Variants in RAB27B observed in about 807,000 individuals in gnomAD.
The protein encoded by RAB27B is RAB27B, member RAS oncogene family.
Under a neutral mutation model 24.6 loss-of-function variants are expected in RAB27B, and 15 were observed. The ratio of observed to expected loss-of-function variants is 0.61; its 90% CI spans 0.41 to 0.94. The LOEUF (loss-of-function observed/expected upper bound fraction) is 0.94. Among genes scored for constraint, RAB27B ranks in the 40% least tolerant of loss-of-function variants. The probability of loss-of-function intolerance (pLI) is 0.00; values close to 1 mark genes in which losing one functional copy is unlikely to be tolerated. For missense variants in RAB27B, 261 were observed against 266.8 expected (o/e 0.98, Z 0.15); for synonymous variants, 105 against 92.5 (o/e 1.14, Z -0.78).
intron 2 of RAB27B, among the ~76,000 whole-genome samples, chr18:54,796,430 A>G (rs79085307): frequency 3.1e-4 from 47 of 152,342 alleles, no homozygotes; most frequent in Middle Eastern, 3.4e-3. Context: ...AAATCGGATC[A>G]CATGTGCACT....
At chr18:54,793,937 A>G (rs1484970562) in intron 2 of RAB27B, among the ~76,000 whole-genome samples, 2 of 152,218 alleles carry the variant, frequency 1.3e-5, no homozygotes, top group Non-Finnish European at 2.9e-5. Flanking sequence ...TGCATATGGC[A>G]TGAAATTCTG....
At chr18:54,780,613 C>T (rs918841701) in intron 2 of RAB27B, among the ~76,000 whole-genome samples, 7 of 152,188 alleles carry the variant, frequency 4.6e-5, no homozygotes, top group South Asian at 2.1e-4. Flanking sequence ...GGACACCATT[C>T]GTATTGGATT....
intron 2 of RAB27B, among the ~76,000 whole-genome samples, chr18:54,816,963 ATAGAC>A (rs2145158830): frequency 6.6e-6 from 1 of 152,304 alleles, no homozygotes; most frequent in African/African-American, 2.4e-5. Context: ...TGTATTTGCT[ATAGAC>A]TATTTTATTG....
intron 2 of RAB27B, among the ~76,000 whole-genome samples, chr18:54,794,310 G>C (rs1258350904): frequency 6.6e-6 from 1 of 152,084 alleles, no homozygotes; most frequent in Non-Finnish European, 1.5e-5. Context: ...TTGAGTGCTA[G>C]GTGAACACAT....
At chr18:54,865,955 A>G (rs1242061650) in intron 1 of RAB27B, among the ~76,000 whole-genome samples, 1 of 152,208 alleles carries the variant, frequency 6.6e-6, no homozygotes, top group East Asian at 1.9e-4. Context: ...GATTTGAAAT[A>G]GCAGTTCTGT....
intron 2 of RAB27B, among the ~76,000 whole-genome samples, chr18:54,732,267 G>T (rs1010394752): frequency 6.6e-6 from 1 of 152,174 alleles, no homozygotes; most frequent in Non-Finnish European, 1.5e-5. Context: ...ACAATGAAAA[G>T]ATTTGGTGTA....
chr18:54,730,599 C>T lies in RAB27B; in HGVS notation c.-20+12458C>T, dbSNP rs1031543370. ...GTTTGGGTCACGGGGGTTGATGCCT[C>T]ATGAATGGCTTGGTGCCCTCCCGTG... On this transcript the variant is annotated intron_variant, in intron 2 of 4. Coordinates refer to the RAB27B transcript ENST00000586570. Among the ~76,000 whole-genome samples, 4 of 152,010 alleles carry T rather than the reference C, an allele frequency of 2.6e-5. No homozygotes were observed. The East Asian group carries it at 7.7e-4, about 29-fold the overall frequency.
chr18:54,796,566 C>T (rs572779039), intron 2 of RAB27B, among the ~76,000 whole-genome samples: 9 of 152,160 alleles, frequency 5.9e-5, no homozygotes, highest in Non-Finnish European at 1.3e-4. Flanking sequence ...CAGAGGCAGA[C>T]TCCCCCCTCT....
intron 2 of RAB27B, among the ~76,000 whole-genome samples, chr18:54,878,601 A>C (rs1912798924): frequency 6.6e-6 from 1 of 152,116 alleles, no homozygotes; most frequent in South Asian, 2.1e-4. Context: ...CTGACAACCC[A>C]TTCAGGGTTT....
chr18:54,811,121 T>C (rs888280661), intron 2 of RAB27B, among the ~76,000 whole-genome samples: 1 of 152,186 alleles, frequency 6.6e-6, no homozygotes, highest in Non-Finnish European at 1.5e-5. Flanking sequence ...CCCCATGCTT[T>C]ATCACCTGAG....
chr18:54,810,524 G>A (rs1307051814), intron 2 of RAB27B, among the ~76,000 whole-genome samples: 2 of 151,904 alleles, frequency 1.3e-5, no homozygotes, highest in Non-Finnish European at 2.9e-5. Flanking sequence ...AATAAATGTT[G>A]AATGAATGAA....
At chr18:54,765,636 T>C (rs1395318530) in intron 2 of RAB27B, among the ~76,000 whole-genome samples, 1 of 152,220 alleles carries the variant, frequency 6.6e-6, no homozygotes, top group African/African-American at 2.4e-5. Context: ...TGCTTACTTG[T>C]TGCATGTCTT....
At chr18:54,821,897 G>A (rs1190451261) in intron 2 of RAB27B, among the ~76,000 whole-genome samples, 1 of 152,182 alleles carries the variant, frequency 6.6e-6, no homozygotes, top group Admixed American at 6.5e-5. Context: ...GGGATTACAG[G>A]CATGGCCCCC....
chr18:54,866,338 C>A (rs1310077262), intron 1 of RAB27B, among the ~76,000 whole-genome samples: 1 of 152,200 alleles, frequency 6.6e-6, no homozygotes, highest in Non-Finnish European at 1.5e-5. Context: ...CTCTGTAGCC[C>A]AGGCTGGAGT....
intron 2 of RAB27B, among the ~76,000 whole-genome samples, chr18:54,806,087 A>C (rs1218254242): frequency 6.6e-6 from 1 of 152,148 alleles, no homozygotes; most frequent in Non-Finnish European, 1.5e-5. Context: ...CTTGCAACCC[A>C]TGGGATTTCC....
intron 2 of RAB27B, among the ~76,000 whole-genome samples, chr18:54,798,749 C>T (rs1250266670): frequency 1.3e-5 from 2 of 152,204 alleles, no homozygotes; most frequent in African/African-American, 4.8e-5. Flanking sequence ...TTCTGTATAT[C>T]AAAGATGTAC....
intron 2 of RAB27B, among the ~76,000 whole-genome samples, chr18:54,822,157 T>C (rs375063233): frequency 4.4e-4 from 67 of 152,334 alleles, no homozygotes; most frequent in Admixed American, 1.8e-3. Context: ...TATCTTAACA[T>C]TGGAGTCCTT....
In RAB27B at chr18:54,889,428, C is replaced by G. The variant is rs750675245; in HGVS notation, c.*15C>G. ...GTATCTGCTAGACTCTACATAGAAA[C>G]TGAACATCAAGAACCCCACCAAAAT... On this transcript the variant is annotated 3_prime_UTR_variant, in exon 6 of 6. Transcript: ENST00000262094. 6.3e-7 allele frequency: 1 copy of G among 1,590,190 alleles called. No individual in the cohort carries two copies. Among genetic ancestry groups the G allele is most frequent in the African/African-American group, 1.4e-5 (1 of 73,466 alleles).
chr18:54,841,263 G>A (rs1911112019), intron 1 of RAB27B, among the ~76,000 whole-genome samples: 1 of 151,112 alleles, frequency 6.6e-6, no homozygotes, highest in African/African-American at 2.4e-5. Context: ...AAGTATTTGG[G>A]GAAAAAAATA....
Sources: gnomAD v4.1 joint callset for allele counts (sites outside exome capture counted in the v4.1 genomes callset) on GRCh38, gnomAD v4.1.1 for gene constraint, MANE v1.5 for transcripts, NCBI Gene and HGNC (gene_info 2026-07-23, HGNC 2026-07-21) for gene names.